Variants in HIRA observed in about 807,000 individuals in gnomAD.
HIRA encodes the protein histone cell cycle regulator.
In HIRA, 13 loss-of-function variants were observed where a neutral mutation model predicts 126.6. That is an observed-to-expected ratio of 0.10 (90% CI 0.07 to 0.16). The LOEUF is 0.16. Among genes scored for constraint, HIRA ranks in the 10% least tolerant of loss-of-function variants. The pLI, the probability that HIRA is intolerant of heterozygous loss-of-function variation, is 1.00. For synonymous variants in HIRA, 511 were observed against 520.0 expected, an observed-to-expected ratio of 0.98 and a Z score of 0.24; for missense variants, 834 against 1,314.4, an observed-to-expected ratio of 0.63 and a Z score of 5.65.
chr22:19,358,621 A>G (rs2088835613), intron 18 of HIRA, among the ~76,000 whole-genome samples: 1 of 152,242 alleles, frequency 6.6e-6, no homozygotes, highest in Non-Finnish European at 1.5e-5. Flanking sequence ...AAACTCACTC[A>G]GGGCCCACGA....
At chr22:19,393,517 C>A (rs961763766) in intron 8 of HIRA, among the ~76,000 whole-genome samples, 3 of 151,926 alleles carry the variant, frequency 2.0e-5, no homozygotes, top group African/African-American at 7.3e-5. Flanking sequence ...GACACCATGC[C>A]CAGCTAATTT....
intron 24 of HIRA, among the ~76,000 whole-genome samples, chr22:19,332,727 C>A (rs1601791490): frequency 7.2e-6 from 1 of 139,116 alleles, no homozygotes; most frequent in African/African-American, 2.7e-5. Context: ...TATTAGAGAA[C>A]ATGAAAGAAT....
intron 8 of HIRA, among the ~76,000 whole-genome samples, chr22:19,393,444 G>A (rs1370157995): frequency 2.0e-5 from 3 of 151,982 alleles, no homozygotes; most frequent in African/African-American, 7.3e-5. Context: ...TGCAACCTCC[G>A]CCTCCCGGGT....
chr22:19,348,147 G>A (rs1469169006), intron 24 of HIRA, among the ~76,000 whole-genome samples: 1 of 152,178 alleles, frequency 6.6e-6, no homozygotes, highest in Non-Finnish European at 1.5e-5. Context: ...GTCCCTGAAC[G>A]GGATCATGGA....
At chr22:19,412,055 C>G (rs2089357363) in intron 1 of HIRA, among the ~76,000 whole-genome samples, 1 of 152,224 alleles carries the variant, frequency 6.6e-6, no homozygotes, top group African/African-American at 2.4e-5. Flanking sequence ...TATCCCTTAT[C>G]TGAAACACCT....
At chr22:19,340,323 C>T (rs540113364) in intron 24 of HIRA, among the ~76,000 whole-genome samples, 14 of 151,970 alleles carry the variant, frequency 9.2e-5, no homozygotes, top group African/African-American at 3.1e-4. Context: ...TCTAGCATGC[C>T]TTCGATTAAA....
At chr22:19,334,191 G>A (rs1448893847) in intron 24 of HIRA, among the ~76,000 whole-genome samples, 1 of 151,366 alleles carries the variant, frequency 6.6e-6, no homozygotes, top group Non-Finnish European at 1.5e-5. Flanking sequence ...TAGCAAGGAT[G>A]GTCTCGATCT....
intron 17 of HIRA, 30 bp from the exon 18 acceptor site, chr22:19,359,514 A>C: frequency 6.4e-7 from 1 of 1,554,130 alleles, no homozygotes; most frequent in Non-Finnish European, 8.7e-7. Context: ...GGGTCTGCTC[A>C]GACAAGGGCC....
chr22:19,346,580 A>G (rs1170575228), intron 24 of HIRA, among the ~76,000 whole-genome samples: 4 of 152,250 alleles, frequency 2.6e-5, no homozygotes, highest in African/African-American at 9.6e-5. Context: ...CTTTGTACAG[A>G]GGGAGAAAAC....
At chr22:19,390,979 G>C (rs1407963408) in intron 9 of HIRA, among the ~76,000 whole-genome samples, 1 of 150,786 alleles carries the variant, frequency 6.6e-6, no homozygotes, top group African/African-American at 2.4e-5. Context: ...TTTAATTTTA[G>C]AACTCTACTC....
intron 13 of HIRA, among the ~76,000 whole-genome samples, chr22:19,378,587 C>T (rs1258784823): frequency 6.6e-6 from 1 of 152,242 alleles, no homozygotes; most frequent in East Asian, 1.9e-4. Context: ...GGTCTGACTC[C>T]TCTGCCATTT....
At chr22:19,428,901 C>A (rs1006151705) in intron 1 of HIRA, among the ~76,000 whole-genome samples, 1 of 152,146 alleles carries the variant, frequency 6.6e-6, no homozygotes, top group Non-Finnish European at 1.5e-5. Context: ...GGCCACTACC[C>A]ACCCCTCAGG....
At chr22:19,390,649 T>C (rs1180802866) in intron 9 of HIRA, among the ~76,000 whole-genome samples, 1 of 127,248 alleles carries the variant, frequency 7.9e-6, no homozygotes, top group East Asian at 2.5e-4. Flanking sequence ...CATCGCCTCA[T>C]CTCAGGGGAT....
intron 18 of HIRA, 30 bp downstream of exon 18, chr22:19,359,306 T>A: frequency 6.6e-7 from 1 of 1,519,904 alleles, no homozygotes; most frequent in Non-Finnish European, 8.8e-7. Flanking sequence ...CTGTGTCACC[T>A]GGGCCGGCTA....
At chr22:19,417,216 GA>G (rs1266803315) in intron 1 of HIRA, among the ~76,000 whole-genome samples, 3 of 151,548 alleles carry the variant, frequency 2.0e-5, no homozygotes, top group African/African-American at 4.9e-5. Context: ...GAAAAGAAAA[GA>G]AAAGAAAAGA....
Position 19,360,368 on chromosome 22 carries a change from C to T in HIRA, c.2085+869G>A, listed in dbSNP as rs140195234. ...CTCTGAGTGCAAGAGCACGTCTGAA[C>T]GCTGCTGACCACTGGAGGGCCCCTG... On this transcript the variant is annotated intron_variant, in intron 17 of 24. Coordinates refer to ENST00000263208, the MANE Select transcript of HIRA (RefSeq NM_003325.4). Among the ~76,000 whole-genome samples, 1,201 of 152,286 alleles carry T rather than the reference C, an allele frequency of 7.9e-3. 10 individuals carry two copies. The highest frequency in any genetic ancestry group is 0.012 in the Non-Finnish European group (836 of 68,014).
intron 24 of HIRA, among the ~76,000 whole-genome samples, chr22:19,344,257 T>C (rs1272496759): frequency 1.3e-5 from 2 of 151,840 alleles, no homozygotes; most frequent in African/African-American, 2.4e-5. Flanking sequence ...ATGAACAAAA[T>C]TGACAAACTT....
intron 24 of HIRA, among the ~76,000 whole-genome samples, chr22:19,346,683 G>T (rs1409057581): frequency 6.6e-6 from 1 of 152,202 alleles, no homozygotes; most frequent in African/African-American, 2.4e-5. Context: ...CTGGGAGAGC[G>T]TTTCTTTTCT....
intron 24 of HIRA, among the ~76,000 whole-genome samples, chr22:19,348,062 C>T (rs1314508564): frequency 1.3e-5 from 2 of 152,210 alleles, no homozygotes; most frequent in East Asian, 1.9e-4. Flanking sequence ...CTAGAATAAG[C>T]GTCAACTGGA....
Sources: gnomAD v4.1 joint callset for allele counts (sites outside exome capture counted in the v4.1 genomes callset) on GRCh38, gnomAD v4.1.1 for gene constraint, MANE v1.5 for transcripts, NCBI Gene and HGNC (gene_info 2026-07-23, HGNC 2026-07-21) for gene names.